BLTP1: variants seen among roughly 807,000 people sequenced by gnomAD.
The protein encoded by BLTP1 is bridge-like lipid transfer protein family member 1.
chr4:122,219,073 T>G, the BLTP1 span: 2 of 856,728 alleles, frequency 2.3e-6, no homozygotes, highest in Non-Finnish European at 2.8e-6. Flanking sequence ...ATTACAAGGT[T>G]TTGCTGTAAT....
At chr4:122,186,076 C>G in the BLTP1 span, 1 of 1,604,490 alleles carries the variant, frequency 6.2e-7, no homozygotes, top group Non-Finnish European at 8.5e-7. Context: ...CAGTCAATGA[C>G]TTTGAATTTC....
the BLTP1 span, chr4:122,299,713 G>A: frequency 1.3e-6 from 1 of 765,628 alleles, no homozygotes; most frequent in Non-Finnish European, 1.6e-6. Context: ...GGGTTGGGGG[G>A]GTGATATTAT....
chr4:122,215,464 T>C, the BLTP1 span: 156 of 985,332 alleles, frequency 1.6e-4, 1 homozygote, highest in Admixed American at 2.2e-3. Flanking sequence ...CTAATAGTAG[T>C]TGAGTCCTTA....
chr4:122,180,018 G>C, the BLTP1 span: 1 of 951,300 alleles, frequency 1.1e-6, no homozygotes, highest in Non-Finnish European at 1.2e-6. Flanking sequence ...TCATATACAC[G>C]TGCATGTACA....
At chr4:122,357,361 G>C in the BLTP1 span, among the ~76,000 whole-genome samples, 1 of 152,006 alleles carries the variant, frequency 6.6e-6, no homozygotes, top group Admixed American at 6.6e-5. Context: ...CCAGGGCTTT[G>C]AGACCAGCCT....
chr4:122,226,391 CT>C, the BLTP1 span: 1 of 1,032,544 alleles, frequency 9.7e-7, no homozygotes, highest in African/African-American at 1.7e-5. Flanking sequence ...TTTCAGTTAG[CT>C]ATATAAGAGG....
At chr4:122,261,525 A>C in the BLTP1 span, 152 of 983,296 alleles carry the variant, frequency 1.5e-4, no homozygotes, top group Middle Eastern at 2.1e-3. Context: ...AAATCGAAAA[A>C]TTCTGTAATT....
At chr4:122,297,163 C>T in the BLTP1 span, among the ~76,000 whole-genome samples, 2 of 152,016 alleles carry the variant, frequency 1.3e-5, no homozygotes, top group African/African-American at 4.8e-5. Flanking sequence ...TTTAAATCTA[C>T]CCATCTGACA....
the BLTP1 span, chr4:122,289,024 A>G: frequency 1.3e-6 from 2 of 1,520,450 alleles, no homozygotes; most frequent in Admixed American, 2.0e-5. Context: ...AGGGTGATTT[A>G]TGTAAGAAAA....
At chr4:122,303,362 A>G in the BLTP1 span, among the ~76,000 whole-genome samples, 1 of 152,198 alleles carries the variant, frequency 6.6e-6, no homozygotes, top group Non-Finnish European at 1.5e-5. Context: ...CTCACTGACA[A>G]TGCACCTGGT....
chr4:122,207,729 A>G, the BLTP1 span: 2 of 1,109,346 alleles, frequency 1.8e-6, no homozygotes, highest in South Asian at 1.8e-5. Context: ...TCCCCAGTCC[A>G]TTGCAACTTC....
At chr4:122,238,357 A>G in the BLTP1 span, 80 of 1,610,124 alleles carry the variant, frequency 5.0e-5, no homozygotes, top group East Asian at 1.8e-3. Flanking sequence ...CAAGGTCAGT[A>G]TTCACTTAGA....
the BLTP1 span, chr4:122,356,018 T>C: frequency 6.5e-7 from 1 of 1,534,650 alleles, no homozygotes; most frequent in Non-Finnish European, 8.9e-7. Flanking sequence ...TTAAAGTTAA[T>C]AAGAAAATTC....
chr4:122,362,290 T>G, the BLTP1 span: 1 of 1,457,458 alleles, frequency 6.9e-7, no homozygotes, highest in Non-Finnish European at 9.6e-7. Context: ...TGTGTCTGTT[T>G]TATTACACTG....
At chr4:122,209,971 A>G in the BLTP1 span, 1 of 1,582,188 alleles carries the variant, frequency 6.3e-7, no homozygotes, top group Non-Finnish European at 8.6e-7. Context: ...TGCTATTATG[A>G]TTGATAATCA....
At chr4:122,343,061 C>G in the BLTP1 span, among the ~76,000 whole-genome samples, 1 of 152,128 alleles carries the variant, frequency 6.6e-6, no homozygotes, top group Non-Finnish European at 1.5e-5. Flanking sequence ...ACAGTATGTT[C>G]TCCCCCACTT....
chr4:122,328,123 T>A, the BLTP1 span: 1 of 1,604,838 alleles, frequency 6.2e-7, no homozygotes, highest in Non-Finnish European at 8.5e-7. Context: ...GAGACAGAAC[T>A]GGACCTTTTG....
At chr4:122,346,179 A>G in the BLTP1 span, among the ~76,000 whole-genome samples, 19 of 152,318 alleles carry the variant, frequency 1.2e-4, no homozygotes, top group Middle Eastern at 3.4e-3. Flanking sequence ...GAACTCTGGA[A>G]GAAGGCCATC....
the BLTP1 span, among the ~76,000 whole-genome samples, chr4:122,296,036 C>T: frequency 1.3e-5 from 2 of 152,132 alleles, no homozygotes; most frequent in African/African-American, 2.4e-5. Context: ...ACAAGAATGC[C>T]CTCTCTTTCA....
Sources: allele counts gnomAD v4.1 joint callset (sites outside exome capture counted in the v4.1 genomes callset), GRCh38; gene constraint gnomAD v4.1.1; transcripts MANE v1.5; gene names NCBI Gene and HGNC (gene_info 2026-07-23, HGNC 2026-07-21).